CTNNA2: variants seen among roughly 807,000 people sequenced by gnomAD.
The protein encoded by CTNNA2 is catenin alpha-2.
A neutral mutation model predicts 101.0 loss-of-function variants in CTNNA2; 42 were observed. The ratio of observed to expected loss-of-function variants is 0.42; its 90% CI spans 0.32 to 0.54. CTNNA2 has a LOEUF of 0.54. CTNNA2 is among the 20% of genes least tolerant of loss of function. CTNNA2 has a pLI of 0.14. For synonymous variants in CTNNA2, 450 were observed against 456.4 expected, an observed-to-expected ratio of 0.99 and a Z score of 0.18; for missense variants, 871 against 1,223.1, an observed-to-expected ratio of 0.71 and a Z score of 4.29.
chr2:80,056,239 A>T (rs1172200820), intron 7 of CTNNA2, among the ~76,000 whole-genome samples: 1 of 152,206 alleles, frequency 6.6e-6, no homozygotes, highest in African/African-American at 2.4e-5. Flanking sequence ...TCTCCTTCTA[A>T]GGAAACCCTG....
At chr2:79,698,485 C>T (rs1684787097) in intron 2 of CTNNA2, among the ~76,000 whole-genome samples, 1 of 151,998 alleles carries the variant, frequency 6.6e-6, no homozygotes. Flanking sequence ...AATAATATTT[C>T]ATTTGGTAAG....
chr2:79,377,368 G>C (rs764708909), intron 4 of CTNNA2, among the ~76,000 whole-genome samples: 9 of 152,124 alleles, frequency 5.9e-5, no homozygotes, highest in Non-Finnish European at 1.2e-4. Context: ...CAAGGTCCTT[G>C]ACTAAATCCC....
intron 2 of CTNNA2, among the ~76,000 whole-genome samples, chr2:79,303,463 T>C (rs1252524624): frequency 2.0e-5 from 3 of 152,130 alleles, no homozygotes; most frequent in Non-Finnish European, 4.4e-5. Flanking sequence ...GAGGTGGTCA[T>C]GTATATTTAC....
At chr2:79,817,819 ATTG>A (rs1677649512) in intron 3 of CTNNA2, among the ~76,000 whole-genome samples, 1 of 152,178 alleles carries the variant, frequency 6.6e-6, no homozygotes, top group Admixed American at 6.5e-5. Context: ...CTGACAACAA[ATTG>A]TTGTTGAGCT....
chr2:80,457,075 T>A lies in CTNNA2; in HGVS notation c.1290+37474T>A, dbSNP rs963462951. Among the ~76,000 whole-genome samples the A allele has an allele frequency of 7.2e-5, 11 of 152,240 alleles. 1 individual carries two copies. Among genetic ancestry groups the A allele is most frequent in the African/African-American group, 7.2e-5 (3 of 41,538 alleles). The stretch of plus-strand genomic sequence containing the variant: ...GATTTGATCATTATACATTTTTTTT[T>A]AATTTTACATGTTTTTTTTTGGACA... On this transcript the variant is annotated intron_variant, in intron 9 of 18. Coordinates refer to ENST00000402739, the MANE Select transcript of CTNNA2 (RefSeq NM_001282597.3).
At chr2:80,420,022 C>T (rs938508584) in intron 9 of CTNNA2, among the ~76,000 whole-genome samples, 1 of 114,614 alleles carries the variant, frequency 8.7e-6, no homozygotes, top group Non-Finnish European at 1.6e-5. Flanking sequence ...GCTGTCCACA[C>T]TGGGAACTTG....
At chr2:80,419,651 C>A in intron 9 of CTNNA2, 50 bp downstream of exon 9, 1 of 1,550,590 alleles carries the variant, frequency 6.4e-7, no homozygotes, top group Non-Finnish European at 8.8e-7. Context: ...GGTTCAATCT[C>A]TGCATATGGC....
rs535779938 is a variant in CTNNA2 at position 79,341,493 on chromosome 2, C to T, written c.-318+28697C>T. Among the ~76,000 whole-genome samples, 52 of 152,224 alleles carry T rather than the reference C, an allele frequency of 3.4e-4. No individual in the cohort carries two copies. In the South Asian group the frequency reaches 6.6e-3, roughly 19 times the overall value. On this transcript the variant is annotated intron_variant, in intron 3 of 21. Coordinates refer to the CTNNA2 transcript ENST00000466387. Reference sequence around the variant, plus strand: ...CAGACCTGGGTTTAAATTCTGACTCCTTCACTCAGTGTTACAGGATGGTTT... The same window carrying T: ...CAGACCTGGGTTTAAATTCTGACTCTTTCACTCAGTGTTACAGGATGGTTT...
At chr2:80,587,704 AT>A (rs1332764831) in intron 14 of CTNNA2, among the ~76,000 whole-genome samples, 1 of 152,056 alleles carries the variant, frequency 6.6e-6, no homozygotes, top group African/African-American at 2.4e-5. Context: ...TTTAGGAAGC[AT>A]TTTTCTTGTG....
chr2:80,387,329 A>G (rs370555304), intron 7 of CTNNA2, among the ~76,000 whole-genome samples: 1 of 152,148 alleles, frequency 6.6e-6, no homozygotes, highest in East Asian at 1.9e-4. Context: ...TTTATAAATT[A>G]ATAATTTTTA....
chr2:79,650,604 G>T (rs200355766), intron 1 of CTNNA2, among the ~76,000 whole-genome samples: 8,486 of 149,138 alleles, frequency 0.057, 699 homozygotes, highest in African/African-American at 0.18. Context: ...CTCTCCCATA[G>T]TCCTCTCTGT....
chr2:80,036,809 TTGTG>T (rs145965045), intron 7 of CTNNA2, among the ~76,000 whole-genome samples: 1 of 139,094 alleles, frequency 7.2e-6, no homozygotes, highest in Non-Finnish European at 1.5e-5. Context: ...CACTCATTCA[TTGTG>T]TGTGTGTGTT....
At chr2:80,522,254 C>T (rs183222250) in intron 9 of CTNNA2, among the ~76,000 whole-genome samples, 25 of 152,266 alleles carry the variant, frequency 1.6e-4, no homozygotes, top group Admixed American at 1.6e-3. Context: ...CTCAGCTGTT[C>T]TCAAGGATCC....
At chr2:79,549,002 G>T (rs1393630823) in intron 1 of CTNNA2, among the ~76,000 whole-genome samples, 1 of 152,120 alleles carries the variant, frequency 6.6e-6, no homozygotes, top group Non-Finnish European at 1.5e-5. Context: ...TTTGGTGAAG[G>T]TCCGTTGCCG....
intron 2 of CTNNA2, among the ~76,000 whole-genome samples, chr2:79,738,637 A>G (rs1038879568): frequency 1.3e-5 from 2 of 152,194 alleles, no homozygotes; most frequent in African/African-American, 4.8e-5. Flanking sequence ...TAACCAGGAG[A>G]TATTTCCAGG....
At chr2:79,821,117 A>T (rs1029900689) in intron 3 of CTNNA2, among the ~76,000 whole-genome samples, 2 of 152,222 alleles carry the variant, frequency 1.3e-5, no homozygotes, top group Admixed American at 1.3e-4. Context: ...TGAAAACAAA[A>T]CAAAACAAAT....
chr2:79,647,483 A>G (rs1405920447), intron 1 of CTNNA2, among the ~76,000 whole-genome samples: 2 of 152,184 alleles, frequency 1.3e-5, no homozygotes. Context: ...ACAGTATCAC[A>G]GAGCTAATAA....
intron 9 of CTNNA2, among the ~76,000 whole-genome samples, chr2:80,469,234 G>C (rs771767813): frequency 3.3e-5 from 5 of 152,152 alleles, no homozygotes; most frequent in Admixed American, 6.5e-5. Context: ...CATCTATTCT[G>C]TCTTAGAAAT....
chr2:80,563,694 G>C (rs3770315), intron 12 of CTNNA2, among the ~76,000 whole-genome samples: 27,387 of 152,038 alleles, frequency 0.18, 2,560 homozygotes, highest in Middle Eastern at 0.26. Flanking sequence ...TTGCCTTTCT[G>C]TATTTTACCT....
Sources: allele counts gnomAD v4.1 joint callset (sites outside exome capture counted in the v4.1 genomes callset), GRCh38; gene constraint gnomAD v4.1.1; transcripts MANE v1.5; gene names NCBI Gene and HGNC (gene_info 2026-07-23, HGNC 2026-07-21).